SH2D4B: variants seen among roughly 807,000 people sequenced by gnomAD.
SH2D4B encodes SH2 domain-containing protein 4B.
Under a neutral mutation model 61.5 loss-of-function variants are expected in SH2D4B, and 45 were observed. The ratio of observed to expected loss-of-function variants is 0.73; its 90% CI spans 0.58 to 0.94. The LOEUF is 0.94. SH2D4B is among the 40% of genes least tolerant of loss of function. SH2D4B has a pLI of 0.00. For missense variants in SH2D4B, 572 were observed against 574.2 expected (o/e 1.00, Z 0.04); for synonymous variants, 224 against 220.4 (o/e 1.02, Z -0.14).
At chr10:80,565,559 C>A (rs1221171585) in intron 1 of SH2D4B, among the ~76,000 whole-genome samples, 2 of 152,108 alleles carry the variant, frequency 1.3e-5, no homozygotes, top group Admixed American at 6.6e-5. Flanking sequence ...CCACACCCAA[C>A]TGAAGAACTT....
intron 6 of SH2D4B, among the ~76,000 whole-genome samples, chr10:80,609,851 G>A (rs1325793441): frequency 6.6e-6 from 1 of 152,180 alleles, no homozygotes; most frequent in Non-Finnish European, 1.5e-5. Flanking sequence ...AAGACAGTGA[G>A]CCCTGAGAGT....
intron 3 of SH2D4B, among the ~76,000 whole-genome samples, chr10:80,584,178 G>GTTAAT (rs1258100579): frequency 1.3e-5 from 2 of 152,240 alleles, no homozygotes; most frequent in African/African-American, 2.4e-5. Flanking sequence ...GCTGAGAAGT[G>GTTAAT]TTAAATGCTG....
At chr10:80,633,060 C>A (rs1318132557) in intron 6 of SH2D4B, among the ~76,000 whole-genome samples, 4 of 151,864 alleles carry the variant, frequency 2.6e-5, no homozygotes, top group Admixed American at 2.6e-4. Flanking sequence ...GCCTTGGGCA[C>A]AAGGGAAGTC....
intron 4 of SH2D4B, among the ~76,000 whole-genome samples, chr10:80,594,520 A>T (rs748110516): frequency 3.3e-5 from 5 of 152,228 alleles, no homozygotes; most frequent in African/African-American, 7.2e-5. Flanking sequence ...GAAAGTGTTC[A>T]TTCCTCTTCT....
At chr10:80,564,641 CTGA>C (rs1164959093) in intron 1 of SH2D4B, among the ~76,000 whole-genome samples, 1 of 152,226 alleles carries the variant, frequency 6.6e-6, no homozygotes, top group Non-Finnish European at 1.5e-5. Flanking sequence ...CATCTGTACA[CTGA>C]TGACTCAAAA....
chr10:80,640,847 C>T (rs987133847), intron 7 of SH2D4B, among the ~76,000 whole-genome samples: 1 of 152,186 alleles, frequency 6.6e-6, no homozygotes, highest in Non-Finnish European at 1.5e-5. Context: ...TGAGGAGCTG[C>T]GATCCTTTAG....
intron 1 of SH2D4B, among the ~76,000 whole-genome samples, chr10:80,545,995 C>G (rs2132103111): frequency 6.6e-6 from 1 of 150,890 alleles, no homozygotes; most frequent in African/African-American, 2.4e-5. Context: ...CTTATTTTCT[C>G]TCCTTTCTCT....
At chr10:80,640,526 A>C (rs201216912) in intron 7 of SH2D4B, among the ~76,000 whole-genome samples, 1 of 151,902 alleles carries the variant, frequency 6.6e-6, no homozygotes, top group East Asian at 1.9e-4. Flanking sequence ...TTCTCGCTTT[A>C]TTTCATTAAT....
At chr10:80,554,438 G>C (rs914700554) in intron 1 of SH2D4B, among the ~76,000 whole-genome samples, 1 of 140,752 alleles carries the variant, frequency 7.1e-6, no homozygotes, top group Non-Finnish European at 1.5e-5. Context: ...TTGGATGTAC[G>C]TGTGTGTGTG....
chr10:80,606,266 CT>C (rs201730892), intron 5 of SH2D4B, among the ~76,000 whole-genome samples: 11,732 of 138,870 alleles, frequency 0.084, 536 homozygotes, highest in African/African-American at 0.12. Context: ...TATTTATACT[CT>C]TTTTTTTTTT....
intron 1 of SH2D4B, among the ~76,000 whole-genome samples, chr10:80,547,419 G>T (rs989343396): frequency 2.0e-5 from 3 of 152,126 alleles, no homozygotes; most frequent in Non-Finnish European, 4.4e-5. Context: ...GATTCCCTTG[G>T]ACTATCTAGG....
At chr10:80,562,835 T>C (rs1477381320) in intron 1 of SH2D4B, among the ~76,000 whole-genome samples, 1 of 152,044 alleles carries the variant, frequency 6.6e-6, no homozygotes, top group Non-Finnish European at 1.5e-5. Context: ...TGTGAGGTGA[T>C]ATCTCAATGT....
rs998517101 is a variant in SH2D4B at position 80,599,410 on chromosome 10, A to C, written c.644-4169A>C. On this transcript the variant is annotated intron_variant, in intron 4 of 7. Coordinates refer to ENST00000646907, the MANE Select transcript of SH2D4B (RefSeq NM_001388272.1). Reference sequence around the variant, plus strand: ...ACATATTTTTGGTGTTATAACTCAGAATAATGCTAGCCTGAGCTCCCATGT... The same window carrying C: ...ACATATTTTTGGTGTTATAACTCAGCATAATGCTAGCCTGAGCTCCCATGT... Among the ~76,000 whole-genome samples, 33 of 152,302 alleles carry C rather than the reference A, an allele frequency of 2.2e-4. 1 individual carries two copies. Among genetic ancestry groups the C allele is most frequent in the Non-Finnish European group, 4.7e-4 (32 of 68,028 alleles).
In SH2D4B at chr10:80,571,657, T is replaced by C. The variant is rs1272625406; in HGVS notation, c.495+79T>C. On this transcript the variant is annotated intron_variant, in intron 3 of 7. Transcript: ENST00000646907. ...CACTGGGGCTGACCTCTGGTTTGGA[T>C]CAATCCTTGGCCATTGGTTGGTACT... 4 of 1,555,198 alleles carry C rather than the reference T, an allele frequency of 2.6e-6. No individual in the cohort carries two copies. The African/African-American group carries it at 5.4e-5, about 21-fold the overall frequency.
intron 1 of SH2D4B, among the ~76,000 whole-genome samples, chr10:80,546,630 A>G (rs1841684799): frequency 6.7e-6 from 1 of 148,582 alleles, no homozygotes; most frequent in South Asian, 2.1e-4. Context: ...GGTTCATGCC[A>G]TTCTCCTGCC....
At chr10:80,575,309 AG>A (rs1564772596) in intron 3 of SH2D4B, among the ~76,000 whole-genome samples, 1 of 152,070 alleles carries the variant, frequency 6.6e-6, no homozygotes, top group Non-Finnish European at 1.5e-5. Flanking sequence ...TTTTAAAGGA[AG>A]TCATGGATGA....
intron 7 of SH2D4B, among the ~76,000 whole-genome samples, chr10:80,640,797 C>T (rs542464076): frequency 1.3e-5 from 2 of 152,186 alleles, no homozygotes; most frequent in South Asian, 2.1e-4. Context: ...TCTGTCAACT[C>T]GTCAAAGTCA....
At chr10:80,587,164 T>TC (rs1842267917) in intron 3 of SH2D4B, among the ~76,000 whole-genome samples, 1 of 133,114 alleles carries the variant, frequency 7.5e-6, no homozygotes, top group Non-Finnish European at 1.5e-5. Flanking sequence ...TTTTTTTTTT[T>TC]TTTTGGAGAC....
rs1345249827 is a variant in SH2D4B at position 80,538,219 on chromosome 10, G to A, written c.-113G>A. ...CAATGCTGCACAGAGAAGGGGCACCGAGAGTGGCCCCGGATTGAGCAGTCC... is the reference window on the plus strand; with the variant it reads ...CAATGCTGCACAGAGAAGGGGCACCAAGAGTGGCCCCGGATTGAGCAGTCC... On this transcript the variant is annotated 5_prime_UTR_variant, in exon 1 of 8. Transcript: ENST00000646907. The surrounding 1 kb of genome is among the most constrained non-coding windows in gnomAD (Gnocchi z 4.8). 3.4e-6 allele frequency: 3 copies of A among 890,802 alleles called. No individual in the cohort carries two copies. Among genetic ancestry groups the A allele is most frequent in the Admixed American group, 4.3e-5 (1 of 23,462 alleles). The allele number at this position is 890,802 out of a possible 1,614,324, so 55.2% of individuals were successfully genotyped here.
Sources: gnomAD v4.1 joint callset for allele counts (sites outside exome capture counted in the v4.1 genomes callset) on GRCh38, gnomAD v4.1.1 for gene constraint, Gnocchi (gnomAD v3.1) non-coding constraint, MANE v1.5 for transcripts, NCBI Gene and HGNC (gene_info 2026-07-23, HGNC 2026-07-21) for gene names.